Variants in OCRL observed in about 807,000 individuals in gnomAD.
The protein encoded by OCRL is OCRL inositol polyphosphate-5-phosphatase.
A neutral mutation model predicts 78.9 loss-of-function variants in OCRL; 8 were observed. The ratio of observed to expected loss-of-function variants is 0.10; its 90% CI spans 0.06 to 0.18. OCRL has a LOEUF of 0.18. Ranked by LOEUF, OCRL falls within the 10% of genes least tolerant of loss-of-function variation. The pLI, the probability that OCRL is intolerant of heterozygous loss-of-function variation, is 1.00. For missense variants in OCRL, 454 were observed against 696.7 expected, an observed-to-expected ratio of 0.65 and a Z score of 3.92; for synonymous variants, 240 against 235.4, an observed-to-expected ratio of 1.02 and a Z score of -0.18.
At chrX:129,586,021 T>C (rs183571590) in intron 19 of OCRL, among the ~76,000 whole-genome samples, 125 of 111,203 alleles carry the variant, frequency 1.1e-3, no homozygotes, top group African/African-American at 4.0e-3. Context: ...GGGAGGAGGA[T>C]GCAAAAAAAT....
At chrX:129,588,739 A>G in intron 21 of OCRL, 147 bp from the exon 22 acceptor site, 1 of 709,476 alleles carries the variant, frequency 1.4e-6, no homozygotes, top group Non-Finnish European at 2.2e-6. Context: ...CACTTGAATC[A>G]ATAAAATATC....
intron 3 of OCRL, 33 bp downstream of exon 3, chrX:129,545,070 A>G (rs1485773442): frequency 1.3e-6 from 1 of 792,914 alleles, no homozygotes; most frequent in Non-Finnish European, 1.9e-6. Context: ...TAGTTTTATA[A>G]TGTTTTTTCT....
intron 4 of OCRL, among the ~76,000 whole-genome samples, chrX:129,556,109 A>G (rs1190594701): frequency 3.6e-5 from 4 of 112,143 alleles, no homozygotes; most frequent in African/African-American, 6.5e-5. Context: ...CATTTTACAA[A>G]GACAGAAAGA....
At chrX:129,547,293 A>G (rs1309967177) in intron 3 of OCRL, among the ~76,000 whole-genome samples, 1 of 110,425 alleles carries the variant, frequency 9.1e-6, no homozygotes, top group African/African-American at 3.3e-5. Flanking sequence ...TGGGAGGCCA[A>G]GGTGGGCAGA....
At chrX:129,555,331 C>T (rs995047224) in intron 4 of OCRL, among the ~76,000 whole-genome samples, 1 of 110,389 alleles carries the variant, frequency 9.1e-6, no homozygotes, top group African/African-American at 3.3e-5. Flanking sequence ...AAAAAGTAGC[C>T]GGACATGGTG....
intron 4 of OCRL, among the ~76,000 whole-genome samples, chrX:129,552,495 G>A (rs1282259695): frequency 8.9e-6 from 1 of 111,970 alleles, no homozygotes; most frequent in Non-Finnish European, 1.9e-5. Flanking sequence ...CGCGATCTCA[G>A]CTCACTGCAA....
chrX:129,583,855 G>A (rs1569462957), intron 18 of OCRL, among the ~76,000 whole-genome samples: 1 of 111,180 alleles, frequency 9.0e-6, no homozygotes, highest in Non-Finnish European at 1.9e-5. Flanking sequence ...GAGGGGATTG[G>A]GTACGAGGAG....
Position 129,569,275 on chromosome X carries a change from G to A in OCRL, c.1478G>A (p.Arg493Gln). The A allele has an allele frequency of 8.3e-7, 1 of 1,211,145 alleles. No individual in the cohort carries two copies. Among genetic ancestry groups the A allele is most frequent in the Non-Finnish European group, 1.1e-6 (1 of 895,044 alleles). The change falls in exon 15 of 24, where the codon CGG becomes CAG. Residue 493 changes from arginine to glutamine, a missense_variant. Physicochemically the swap from Arg to Gln is conservative, Grantham distance 43 (BLOSUM62 1). This residue lies in a region of OCRL where 277 missense variants were observed against 517.1 expected (regional missense o/e 0.54). Coordinates refer to ENST00000371113, the MANE Select transcript of OCRL (RefSeq NM_000276.4). Reference sequence around the variant, plus strand: ...TTCTTTACTTACAGTGGGAAATGCCGGGTTCCAGCCTGGTGTGACCGAATT... The same window carrying A: ...TTCTTTACTTACAGTGGGAAATGCCAGGTTCCAGCCTGGTGTGACCGAATT... The part of the protein sequence containing the change: ...TDRWDSSGKC[R>Q]VPAWCDRILW...
intron 8 of OCRL, among the ~76,000 whole-genome samples, chrX:129,559,401 G>A (rs746023894): frequency 8.9e-6 from 1 of 111,844 alleles, no homozygotes; most frequent in South Asian, 3.7e-4. Context: ...GTTTCACCAG[G>A]TTGCCCAGGC....
intron 3 of OCRL, among the ~76,000 whole-genome samples, chrX:129,547,394 G>A (rs1341223428): frequency 7.4e-5 from 8 of 108,110 alleles, no homozygotes; most frequent in Admixed American, 2.0e-4. Context: ...GCATGGTGGC[G>A]GGTGCCTGTA....
Position 129,590,151 on chromosome X carries a change from C to A in OCRL, c.2587C>A (p.Leu863Ile). 1.7e-6 allele frequency: 2 copies of A among 1,211,728 alleles called. No homozygotes were observed. The highest frequency in any genetic ancestry group is 2.2e-6 in the Non-Finnish European group (2 of 895,492). The change falls in exon 24 of 24, where the codon CTC becomes ATC. Residue 863 changes from leucine (L) to isoleucine (I), a missense_variant. Physicochemically the swap from Leu to Ile is conservative, Grantham distance 5 (BLOSUM62 2). This residue lies in a region of OCRL where 277 missense variants were observed against 517.1 expected (regional missense o/e 0.54). Coordinates refer to ENST00000371113, the MANE Select transcript of OCRL (RefSeq NM_000276.4). ...GTCTTTCTCTCGTCTTGTAGCTACT[C>A]TCTTCACTAGTCTTCTCCTGAGGCC... The part of the protein sequence containing the change: ...NSVNANMIAT[L>I]FTSLLLRPPP...
At chrX:129,542,922 T>C (rs1482407671) in intron 2 of OCRL, among the ~76,000 whole-genome samples, 1 of 111,976 alleles carries the variant, frequency 8.9e-6, no homozygotes, top group Non-Finnish European at 1.9e-5. Flanking sequence ...CTGTCAACCA[T>C]AGGAAATTTG....
intron 6 of OCRL, 44 bp from the exon 7 acceptor site, chrX:129,558,589 G>A (rs755640960): frequency 1.0e-5 from 12 of 1,204,144 alleles, no homozygotes; most frequent in South Asian, 1.8e-5. Context: ...TATGTTGGAT[G>A]TTAGATTTTT....
chrX:129,545,132 T>C (rs771996407), intron 3 of OCRL, 95 bp downstream of exon 3: 2 of 530,278 alleles, frequency 3.8e-6, no homozygotes, highest in South Asian at 2.6e-5. Flanking sequence ...TGTCAGTGCA[T>C]GTAAAATGAA....
chrX:129,585,678 A>G (rs1308107224), intron 19 of OCRL, among the ~76,000 whole-genome samples: 2 of 112,024 alleles, frequency 1.8e-5, no homozygotes, highest in Non-Finnish European at 3.8e-5. Flanking sequence ...AATCCCAGGG[A>G]AAGAAAGGAA....
chrX:129,544,738 A>G (rs760659053), intron 2 of OCRL, among the ~76,000 whole-genome samples: 1 of 111,638 alleles, frequency 9.0e-6, no homozygotes, highest in South Asian at 3.8e-4. Flanking sequence ...TTTTTAGGAT[A>G]TATGGCCTAG....
chrX:129,575,741 A>G lies in OCRL; in HGVS notation c.1714-156A>G, dbSNP rs951053835. On this transcript the variant is annotated intron_variant, in intron 16 of 23. Transcript: ENST00000371113. ...TGGTGTGAGTATAATAATACATGCA[A>G]GTGGATGTTGTGAAGTTGGTTCAGT... 4 of 562,548 alleles carry G rather than the reference A, an allele frequency of 7.1e-6. No individual in the cohort carries two copies. In the African/African-American group the frequency reaches 9.1e-5, roughly 13 times the overall value. The allele number at this position is 562,548 out of a possible 1,213,427, so 46.4% of individuals were successfully genotyped here. A position where few individuals can be genotyped will look rare whatever the true frequency, so the allele number is the denominator to read the frequency against.
chrX:129,562,845 A>G, intron 12 of OCRL, 59 bp downstream of exon 12: 1 of 1,062,962 alleles, frequency 9.4e-7, no homozygotes, highest in South Asian at 1.9e-5. Context: ...TGGATAGTGT[A>G]GAGATTAAAT....
chrX:129,556,388 G>A (rs778381096), intron 4 of OCRL, among the ~76,000 whole-genome samples: 2 of 111,535 alleles, frequency 1.8e-5, no homozygotes, highest in South Asian at 3.8e-4. Context: ...ACAGTGCTGG[G>A]ACAGTTGGTC....
Sources: gnomAD v4.1 joint callset for allele counts (sites outside exome capture counted in the v4.1 genomes callset) on GRCh38, gnomAD v4.1.1 for gene constraint, gnomAD v4.1.1 regional missense constraint, MANE v1.5 for transcripts, NCBI Gene and HGNC (gene_info 2026-07-23, HGNC 2026-07-21) for gene names.